SIRPA: variants seen among roughly 807,000 people sequenced by gnomAD.
The protein encoded by SIRPA is tyrosine-protein phosphatase non-receptor type substrate 1.
SIRPA carries 9 observed loss-of-function variants against 50.3 expected under a neutral mutation model. The ratio of observed to expected loss-of-function variants is 0.18; its 90% CI spans 0.11 to 0.31. SIRPA has a LOEUF of 0.31. Among genes scored for constraint, SIRPA ranks in the 10% least tolerant of loss-of-function variants. The pLI is 1.00. For synonymous variants in SIRPA, 265 were observed against 284.1 expected, an observed-to-expected ratio of 0.93 and a Z score of 0.68; for missense variants, 474 against 661.6, an observed-to-expected ratio of 0.72 and a Z score of 3.11.
chr20:1,922,781 C>A, intron 4 of SIRPA, 136 bp downstream of exon 4: 1 of 1,087,812 alleles, frequency 9.2e-7, no homozygotes, highest in Non-Finnish European at 1.3e-6. Context: ...ATTTTAATGT[C>A]AGCTCCATTT....
chr20:1,913,773 C>G (rs1351485216), intron 1 of SIRPA, among the ~76,000 whole-genome samples: 1 of 152,140 alleles, frequency 6.6e-6, no homozygotes, highest in East Asian at 1.9e-4. Flanking sequence ...TGTTCAGAAT[C>G]GAGGCCCTGG....
At position 1,937,787 on chromosome 20, in the gene SIRPA, G is replaced by A. The variant is rs1267541008; in HGVS notation, c.*219G>A. On this transcript the variant is annotated 3_prime_UTR_variant, in exon 8 of 8. Coordinates refer to ENST00000358771, the MANE Select transcript of SIRPA (RefSeq NM_001040023.2). The surrounding 1 kb of genome is among the most constrained non-coding windows in gnomAD (Gnocchi z 8.3). ...CTCCCCCCACATTGCCACATACCTGGAGGCTGACGTTGCCAAACCAGCCAG... is the reference window on the plus strand; with the variant it reads ...CTCCCCCCACATTGCCACATACCTGAAGGCTGACGTTGCCAAACCAGCCAG... 8 of 617,900 alleles carry A rather than the reference G, an allele frequency of 1.3e-5. No homozygotes were observed. Among genetic ancestry groups the A allele is most frequent in the Non-Finnish European group, 2.2e-5 (8 of 362,612 alleles). 38.3% of individuals were successfully genotyped at this position (617,900 alleles called of 1,614,324 possible).
intron 1 of SIRPA, among the ~76,000 whole-genome samples, chr20:1,899,666 T>G (rs1984050390): frequency 6.6e-6 from 1 of 152,096 alleles, no homozygotes; most frequent in Non-Finnish European, 1.5e-5. Flanking sequence ...TTAATGTGCC[T>G]CCTGGGGAGA....
intron 7 of SIRPA, among the ~76,000 whole-genome samples, chr20:1,935,835 G>C (rs1392452404): frequency 6.6e-6 from 1 of 152,200 alleles, no homozygotes; most frequent in Non-Finnish European, 1.5e-5. Flanking sequence ...TGCCAGCCCT[G>C]GCCAGGGAGG....
At chr20:1,935,481 G>A (rs1986524245) in intron 7 of SIRPA, among the ~76,000 whole-genome samples, 1 of 152,276 alleles carries the variant, frequency 6.6e-6, no homozygotes, top group Non-Finnish European at 1.5e-5. Flanking sequence ...TGTTGAAGGA[G>A]TCGGGCTGGT....
rs570561455 is a variant in SIRPA at position 1,928,881 on chromosome 20, C to T, written c.1226+982C>T. On this transcript the variant is annotated intron_variant, in intron 6 of 7. Coordinates refer to ENST00000358771, the MANE Select transcript of SIRPA (RefSeq NM_001040023.2). This position sits in a 1 kb window ranked among gnomAD's most constrained non-coding sequence, Gnocchi z 4.9. ...GAACTATTCTGTGAAAAGCCTTTAT[C>T]GGCTTTTTGGAAGGCCTCTGATCTT... Among the ~76,000 whole-genome samples, 116 of 152,274 alleles carry T rather than the reference C, an allele frequency of 7.6e-4. No individual in the cohort carries two copies. Among genetic ancestry groups the T allele is most frequent in the African/African-American group, 2.5e-3 (103 of 41,546 alleles).
intron 6 of SIRPA, among the ~76,000 whole-genome samples, chr20:1,929,137 G>C (rs1986156632): frequency 6.6e-6 from 1 of 152,164 alleles, no homozygotes; most frequent in East Asian, 1.9e-4. Flanking sequence ...GGGCCTGTGG[G>C]TGTTAGAAGG....
chr20:1,920,814 C>G (rs1985602658), intron 2 of SIRPA, among the ~76,000 whole-genome samples: 1 of 152,224 alleles, frequency 6.6e-6, no homozygotes, highest in South Asian at 2.1e-4. Context: ...GAAGCATCTT[C>G]TGTGTTTATC....
rs1983932240 is a variant in SIRPA at position 1,898,049 on chromosome 20, C to CT, written c.79+2524dup. 6.6e-6 allele frequency among the ~76,000 whole-genome samples: 1 copy of CT among 152,222 alleles called. No homozygotes were observed. Among genetic ancestry groups the CT allele is most frequent in the Admixed American group, 6.5e-5 (1 of 15,288 alleles). ...TGGCCCCAGGTAGGCCTTGAGACCT[C>CT]TGAGTCACCCCCCAGGCCGACCTCA... On this transcript the variant is annotated intron_variant, in intron 1 of 7. Coordinates refer to ENST00000358771, the MANE Select transcript of SIRPA (RefSeq NM_001040023.2). The surrounding 1 kb of genome is among the most constrained non-coding windows in gnomAD (Gnocchi z 4.3).
At position 1,933,947 on chromosome 20, in the gene SIRPA, T is replaced by C. The variant is rs759818244; in HGVS notation, c.1227-768T>C. On this transcript the variant is annotated intron_variant, in intron 6 of 7. Transcript: ENST00000358771. The surrounding 1 kb of genome is among the most constrained non-coding windows in gnomAD (Gnocchi z 4.4). ...CTTTTCTTTCTTTAATGATGATACATAGATGTTTATAATACAGAACATTTG... is the reference window on the plus strand; with the variant it reads ...CTTTTCTTTCTTTAATGATGATACACAGATGTTTATAATACAGAACATTTG... 1.3e-5 allele frequency among the ~76,000 whole-genome samples: 2 copies of C among 152,116 alleles called. No individual in the cohort carries two copies. Among genetic ancestry groups the C allele is most frequent in the Non-Finnish European group, 2.9e-5 (2 of 68,010 alleles).
chr20:1,937,496 C>A lies in SIRPA; in HGVS notation c.1443C>A (p.Thr481=), dbSNP rs755833852. 6.2e-7 allele frequency: 1 copy of A among 1,614,112 alleles called. No homozygotes were observed. Among genetic ancestry groups the A allele is most frequent in the Admixed American group, 1.7e-5 (1 of 60,026 alleles). The change falls in exon 8 of 8, where the codon ACC becomes ACA. Residue 481 remains threonine, a synonymous_variant. Coordinates refer to ENST00000358771, the MANE Select transcript of SIRPA (RefSeq NM_001040023.2). The surrounding 1 kb of genome is among the most constrained non-coding windows in gnomAD (Gnocchi z 8.3). ...ADLDMVHLNR[T]PKQPAPKPEP... is the part of the protein sequence containing the mutation. The stretch of plus-strand genomic sequence containing the variant: ...TGGACATGGTCCACCTCAACCGGAC[C>A]CCCAAGCAGCCGGCCCCCAAGCCTG...
intron 2 of SIRPA, among the ~76,000 whole-genome samples, chr20:1,920,191 T>C (rs1985565524): frequency 6.6e-6 from 1 of 152,204 alleles, no homozygotes; most frequent in Non-Finnish European, 1.5e-5. Context: ...GCAGCCAGTG[T>C]CCAGCTCCAG....
chr20:1,921,015 G>A (rs1001740030), intron 2 of SIRPA, among the ~76,000 whole-genome samples: 5 of 152,196 alleles, frequency 3.3e-5, no homozygotes, highest in African/African-American at 1.2e-4. Flanking sequence ...CTCTATAAAC[G>A]CTCTCTCTGA....
At chr20:1,918,359 G>GC (rs201716459) in intron 2 of SIRPA, among the ~76,000 whole-genome samples, 1,892 of 109,226 alleles carry the variant, frequency 0.017, 89 homozygotes, top group Non-Finnish European at 0.024. Context: ...CACCACACCA[G>GC]CTTTTTTTTT....
intron 2 of SIRPA, among the ~76,000 whole-genome samples, chr20:1,917,952 G>A (rs1377572733): frequency 1.3e-5 from 2 of 152,178 alleles, no homozygotes; most frequent in Non-Finnish European, 2.9e-5. Context: ...CAGTGTCAGG[G>A]TTCATGAAGT....
At chr20:1,913,537 T>TCAGGGCAG (rs1359588804) in intron 1 of SIRPA, among the ~76,000 whole-genome samples, 1 of 152,112 alleles carries the variant, frequency 6.6e-6, no homozygotes, top group Non-Finnish European at 1.5e-5. Context: ...GTGGCCCAGG[T>TCAGGGCAG]CAGGGCAGGA....
In SIRPA at chr20:1,937,302, T is replaced by C. The variant is rs750305391; in HGVS notation, c.1267-18T>C. The stretch of plus-strand genomic sequence containing the variant: ...AATGACCTTCTCATGACTTTCTCTT[T>C]GGGTATCTTAAATCCAGGACACAAA... On this transcript the variant is annotated intron_variant, in intron 7 of 7. Transcript: ENST00000358771. The surrounding 1 kb of genome is among the most constrained non-coding windows in gnomAD (Gnocchi z 8.3). The C allele has an allele frequency of 2.5e-6, 4 of 1,605,534 alleles. No individual in the cohort carries two copies. The highest frequency in any genetic ancestry group is 3.4e-5 in the Admixed American group (2 of 59,678).
rs1210561470 is a variant in SIRPA, at chr20:1,933,422, G to A, written c.1227-1293G>A. ...TGCCACCCCCCCCCCGAAATATCTG[G>A]TGGGCAGATGAGTGGGTACATGAGG... On this transcript the variant is annotated intron_variant, in intron 6 of 7. Transcript: ENST00000358771. The surrounding 1 kb of genome is among the most constrained non-coding windows in gnomAD (Gnocchi z 4.4). Among the ~76,000 whole-genome samples the A allele has an allele frequency of 1.3e-5, 2 of 149,254 alleles. No individual in the cohort carries two copies. Among genetic ancestry groups the A allele is most frequent in the South Asian group, 2.1e-4 (1 of 4,666 alleles).
At chr20:1,908,668 T>C (rs1286106063) in intron 1 of SIRPA, among the ~76,000 whole-genome samples, 3 of 152,212 alleles carry the variant, frequency 2.0e-5, no homozygotes, top group African/African-American at 7.2e-5. Flanking sequence ...ACGTGTGTTC[T>C]CGTGTGCATA....
Sources: gnomAD v4.1 joint callset for allele counts (sites outside exome capture counted in the v4.1 genomes callset) on GRCh38, gnomAD v4.1.1 for gene constraint, Gnocchi (gnomAD v3.1) non-coding constraint, MANE v1.5 for transcripts, NCBI Gene and HGNC (gene_info 2026-07-23, HGNC 2026-07-21) for gene names.